The following NAT16 variants were observed in gnomAD, a reference collection of about 807,000 sequenced individuals.
The protein encoded by NAT16 is probable N-acetyltransferase 16.
Under a neutral mutation model 15.9 loss-of-function variants are expected in NAT16, and 16 were observed. The observed-to-expected ratio is 1.01, with a 90% CI of 0.68 to 1.53. The LOEUF is 1.53. Among genes scored for constraint, NAT16 ranks in the 40% most tolerant of loss-of-function variants. The probability of loss-of-function intolerance (pLI) is 0.00; values close to 1 mark genes in which losing one functional copy is unlikely to be tolerated. For missense variants in NAT16, 572 were observed against 508.4 expected, an observed-to-expected ratio of 1.13 and a Z score of -1.20; for synonymous variants, 260 against 241.9, an observed-to-expected ratio of 1.07 and a Z score of -0.69.
chr7:101,176,503 G>GAA (rs71895915), intron 1 of NAT16, among the ~76,000 whole-genome samples: 21,020 of 118,588 alleles, frequency 0.18, 2,096 homozygotes, highest in Non-Finnish European at 0.22. Context: ...TCTGTCTCAA[G>GAA]AAAAAAAAAA....
intron 1 of NAT16, among the ~76,000 whole-genome samples, chr7:101,178,112 C>T (rs1797505995): frequency 6.6e-6 from 1 of 152,200 alleles, no homozygotes; most frequent in African/African-American, 2.4e-5. Flanking sequence ...GTCTCCTTCC[C>T]TTGCTTACAG....
At chr7:101,176,977 A>G (rs576910753) in intron 1 of NAT16, among the ~76,000 whole-genome samples, 1 of 152,202 alleles carries the variant, frequency 6.6e-6, no homozygotes, top group South Asian at 2.1e-4. Flanking sequence ...AGTGGTTTGC[A>G]CTTCCAAGCC....
intron 1 of NAT16, among the ~76,000 whole-genome samples, chr7:101,179,456 T>TG (rs1429751933): frequency 7.1e-6 from 1 of 140,180 alleles, no homozygotes; most frequent in Non-Finnish European, 1.5e-5. Flanking sequence ...CCCCGGGGTA[T>TG]GGGGGGCGGG....
At chr7:101,177,005 A>G (rs1026019234) in intron 1 of NAT16, among the ~76,000 whole-genome samples, 3 of 152,174 alleles carry the variant, frequency 2.0e-5, no homozygotes, top group Non-Finnish European at 4.4e-5. Context: ...GAGCTTGCCT[A>G]AACGCGGTAT....
At chr7:101,173,675 G>T (rs916952433) in intron 2 of NAT16, 155 bp from the exon 3 acceptor site, 7 of 599,078 alleles carry the variant, frequency 1.2e-5, no homozygotes, top group African/African-American at 5.8e-5. Context: ...TTGGGCCTCA[G>T]ATTACAGAGC....
In NAT16 at chr7:101,173,434, C is replaced by T. The variant is rs146438324; in HGVS notation, c.399G>A (p.Lys133=). The change falls in exon 3 of 4, where the codon AAG becomes AAA. Residue 133 remains lysine, a synonymous_variant. Coordinates refer to ENST00000300303, the MANE Select transcript of NAT16 (RefSeq NM_198571.3). ...GLRVAPWERG[K]GVAGLLQRFC... is the part of the protein sequence containing the mutation. ...AGCGCTGCAGCAGCCCGGCCACGCC[C>T]TTCCCGCGCTCCCAGGGCGCCACGC... 938 of 1,612,602 alleles carry T rather than the reference C, an allele frequency of 5.8e-4. 2 individuals carry two copies. The highest frequency in any genetic ancestry group is 3.0e-4 in the Non-Finnish European group (350 of 1,179,268).
chr7:101,174,237 A>T, intron 2 of NAT16: 1 of 512,464 alleles, frequency 2.0e-6, no homozygotes, highest in South Asian at 3.4e-5. Context: ...ACCCCCAGAA[A>T]TTCCTCCGGT....
chr7:101,171,889 G>C lies in NAT16; in HGVS notation c.*190C>G. 1.7e-6 allele frequency: 1 copy of C among 580,136 alleles called. No homozygotes were observed. Among genetic ancestry groups the C allele is most frequent in the Non-Finnish European group, 3.1e-6 (1 of 327,474 alleles). 35.9% of individuals were successfully genotyped at this position (580,136 alleles called of 1,614,324 possible). ...TCAGGGAGTGGGCAATGGTGTTTGG[G>C]GGAGCTAGAGGCAAGATAGTAAGGG... On this transcript the variant is annotated 3_prime_UTR_variant, in exon 4 of 4. Transcript: ENST00000300303.
At chr7:101,179,801 C>T (rs2116738542) in intron 1 of NAT16, among the ~76,000 whole-genome samples, 1 of 146,868 alleles carries the variant, frequency 6.8e-6, no homozygotes, top group South Asian at 2.2e-4. Flanking sequence ...TTCCCCTGGG[C>T]GCCGGACCCT....
At chr7:101,179,147 G>C (rs1369135356) in intron 1 of NAT16, 1 of 151,508 alleles carries the variant, frequency 6.6e-6, no homozygotes, top group Non-Finnish European at 1.5e-5. Flanking sequence ...CTGGGGGAGG[G>C]AGGAGAGGGA....
chr7:101,178,066 G>A (rs1797504972), intron 1 of NAT16, among the ~76,000 whole-genome samples: 1 of 152,210 alleles, frequency 6.6e-6, no homozygotes, highest in African/African-American at 2.4e-5. Flanking sequence ...CCGGTAGACT[G>A]GAACCCACCT....
chr7:101,177,204 A>G lies in NAT16; in HGVS notation c.-4-2393T>C, dbSNP rs191794094. Among the ~76,000 whole-genome samples the G allele has an allele frequency of 4.0e-3, 606 of 152,318 alleles. 4 individuals carry two copies. Among genetic ancestry groups the G allele is most frequent in the Non-Finnish European group, 6.8e-3 (465 of 68,040 alleles). On this transcript the variant is annotated intron_variant, in intron 1 of 3. Coordinates refer to ENST00000300303, the MANE Select transcript of NAT16 (RefSeq NM_198571.3). ...CATTAGAGACCATCAGGTTCAACCCATTCATTTCATAATCAAGGAGATTAA... is the reference window on the plus strand; with the variant it reads ...CATTAGAGACCATCAGGTTCAACCCGTTCATTTCATAATCAAGGAGATTAA...
intron 2 of NAT16, chr7:101,173,853 A>G: frequency 2.9e-6 from 1 of 347,306 alleles, no homozygotes; most frequent in Non-Finnish European, 5.2e-6. Flanking sequence ...AAGACTTCCT[A>G]GTAGCTGGGA....
Position 101,172,569 on chromosome 7 carries a change from G to T in NAT16, c.620C>A (p.Thr207Asn). The T allele has an allele frequency of 6.5e-7, 1 of 1,541,232 alleles. No individual in the cohort carries two copies. The highest frequency in any genetic ancestry group is 8.7e-7 in the Non-Finnish European group (1 of 1,152,180). ...GGCCTCGGTGGGCAGCGGCGAGAAG[G>T]TGCCAGAGGTCCGCAGCGCCGCCAG... is the stretch of plus-strand genomic sequence containing the variant. ...ARLAALRTSG[T>N]FSPLPTEAVS... The change falls in exon 4 of 4, where the codon ACC becomes AAC. Residue 207 changes from threonine to asparagine, a missense_variant. Thr to Asn is a moderately conservative substitution (Grantham distance 65). Transcript: ENST00000300303. This position sits in a 1 kb window ranked among gnomAD's most constrained non-coding sequence, Gnocchi z 4.2.
rs899297731 is a variant in NAT16, at chr7:101,171,072, G to A, written c.*1007C>T. The A allele has an allele frequency of 5.3e-5, 8 of 152,270 alleles. No homozygotes were observed. The highest frequency in any genetic ancestry group is 9.6e-5 in the African/African-American group (4 of 41,452). 9.4% of individuals were successfully genotyped at this position (152,270 alleles called of 1,614,324 possible). ...GAAATACCAGGAGGTGGGAATTCCAGTTGCACTAGAAGGCGGCCTGGTTGG... is the reference window on the plus strand; with the variant it reads ...GAAATACCAGGAGGTGGGAATTCCAATTGCACTAGAAGGCGGCCTGGTTGG... On this transcript the variant is annotated 3_prime_UTR_variant, in exon 4 of 4. Coordinates refer to ENST00000300303, the MANE Select transcript of NAT16 (RefSeq NM_198571.3).
intron 1 of NAT16, among the ~76,000 whole-genome samples, chr7:101,178,110 C>T (rs975170715): frequency 1.7e-4 from 26 of 152,204 alleles, no homozygotes; most frequent in Non-Finnish European, 3.4e-4. Flanking sequence ...CAGTCTCCTT[C>T]CCTTGCTTAC....
chr7:101,176,244 A>G (rs1278200920), intron 1 of NAT16, among the ~76,000 whole-genome samples: 1 of 152,182 alleles, frequency 6.6e-6, no homozygotes, highest in Non-Finnish European at 1.5e-5. Flanking sequence ...AAGCCAGCCT[A>G]GCATGGCGGC....
intron 2 of NAT16, chr7:101,174,058 C>G (rs553998927): frequency 1.1e-5 from 3 of 265,046 alleles, no homozygotes; most frequent in African/African-American, 2.2e-5. Context: ...GCTCCAGCTC[C>G]GAGTGTGTCA....
In NAT16 at chr7:101,172,562, C is replaced by A; in HGVS notation, c.627G>T (p.Ser209=). The A allele has an allele frequency of 6.5e-7, 1 of 1,547,210 alleles. No individual in the cohort carries two copies. Among genetic ancestry groups the A allele is most frequent in the East Asian group, 2.4e-5 (1 of 40,966 alleles). The stretch of plus-strand genomic sequence containing the variant: ...CGGACACGGCCTCGGTGGGCAGCGG[C>A]GAGAAGGTGCCAGAGGTCCGCAGCG... ...LAALRTSGTF[S]PLPTEAVSEA... is the part of the protein sequence containing the mutation. The change falls in exon 4 of 4, where the codon TCG becomes TCT. Residue 209 remains serine, a synonymous_variant. Coordinates refer to ENST00000300303, the MANE Select transcript of NAT16 (RefSeq NM_198571.3). The surrounding 1 kb of genome is among the most constrained non-coding windows in gnomAD (Gnocchi z 4.2).
Sources: gnomAD v4.1 joint callset for allele counts (sites outside exome capture counted in the v4.1 genomes callset) on GRCh38, gnomAD v4.1.1 for gene constraint, Gnocchi (gnomAD v3.1) non-coding constraint, MANE v1.5 for transcripts, NCBI Gene and HGNC (gene_info 2026-07-23, HGNC 2026-07-21) for gene names.